The following TYW1 variants were observed in gnomAD, a reference collection of about 807,000 sequenced individuals.
TYW1 encodes S-adenosyl-L-methionine-dependent tRNA 4-demethylwyosine synthase TYW1.
In TYW1, 46 loss-of-function variants were observed where a neutral mutation model predicts 96.2. The ratio of observed to expected loss-of-function variants is 0.48; its 90% CI spans 0.38 to 0.61. The LOEUF is 0.61. Ranked by LOEUF, TYW1 falls within the 20% of genes least tolerant of loss-of-function variation. The probability of loss-of-function intolerance (pLI) is 0.00; values close to 1 mark genes in which losing one functional copy is unlikely to be tolerated. For missense variants in TYW1, 684 were observed against 909.6 expected, an observed-to-expected ratio of 0.75 and a Z score of 3.19; for synonymous variants, 274 against 323.0, an observed-to-expected ratio of 0.85 and a Z score of 1.63.
chr7:67,185,624 G>A (rs1445795749), intron 14 of TYW1, among the ~76,000 whole-genome samples: 2 of 152,076 alleles, frequency 1.3e-5, no homozygotes, highest in African/African-American at 4.8e-5. Context: ...TATTTGGGGA[G>A]AAATGTTGAG....
At chr7:67,200,436 T>C (rs1314562996) in intron 15 of TYW1, among the ~76,000 whole-genome samples, 34 of 152,108 alleles carry the variant, frequency 2.2e-4, no homozygotes, top group African/African-American at 5.1e-4. Flanking sequence ...TACATGGTGT[T>C]AGACGAGAGA....
At chr7:67,062,578 A>G (rs1801678119) in intron 9 of TYW1, among the ~76,000 whole-genome samples, 1 of 143,486 alleles carries the variant, frequency 7.0e-6, no homozygotes, top group Admixed American at 7.2e-5. Context: ...AAAAAAAAAA[A>G]AAAGAAAAGA....
chr7:66,999,424 G>A (rs896384404), intron 3 of TYW1, among the ~76,000 whole-genome samples: 3 of 151,942 alleles, frequency 2.0e-5, no homozygotes, highest in Admixed American at 6.6e-5. Flanking sequence ...GCACGATCTC[G>A]GCTCACTGCA....
intron 9 of TYW1, among the ~76,000 whole-genome samples, chr7:67,062,668 T>A (rs1214628153): frequency 6.6e-6 from 1 of 152,084 alleles, no homozygotes; most frequent in Non-Finnish European, 1.5e-5. Context: ...AAGGGAGTGC[T>A]GCAAACAATT....
chr7:67,040,403 T>C (rs1170315404), intron 7 of TYW1, among the ~76,000 whole-genome samples: 1 of 151,990 alleles, frequency 6.6e-6, no homozygotes, highest in Non-Finnish European at 1.5e-5. Flanking sequence ...ATTCCCCATA[T>C]TGATATACTG....
chr7:67,033,727 G>T (rs1488577333), intron 7 of TYW1, among the ~76,000 whole-genome samples: 1 of 147,466 alleles, frequency 6.8e-6, no homozygotes, highest in Non-Finnish European at 1.5e-5. Flanking sequence ...ACGGAGTCTC[G>T]CTCTGTTGCC....
At chr7:67,149,772 A>G (rs961725234) in intron 13 of TYW1, among the ~76,000 whole-genome samples, 3 of 82,882 alleles carry the variant, frequency 3.6e-5, no homozygotes, top group Non-Finnish European at 7.5e-5. Context: ...CTATCTATCT[A>G]TCTCTCTATG....
intron 7 of TYW1, among the ~76,000 whole-genome samples, chr7:67,033,230 C>T (rs1302697882): frequency 6.6e-6 from 1 of 152,102 alleles, no homozygotes; most frequent in African/African-American, 2.4e-5. Flanking sequence ...AGTCCCTCCT[C>T]TGTGCCCTGT....
rs57748332 is a variant in TYW1, at chr7:67,217,846, C to CTTT, written c.1978-20437_1978-20435dup. ...AGATAACTTTGGGTAGTGTTGATGT[C>CTTT]TTTTTTTTTTTTTTTTTTTTTTTTT... On this transcript the variant is annotated intron_variant, in intron 15 of 15. Coordinates refer to ENST00000359626, the MANE Select transcript of TYW1 (RefSeq NM_018264.4). Among the ~76,000 whole-genome samples the CTTT allele has an allele frequency of 1.4e-4, 10 of 69,258 alleles. 1 individual carries two copies. Among genetic ancestry groups the CTTT allele is most frequent in the Non-Finnish European group, 2.4e-4 (9 of 37,016 alleles). 45.4% of individuals were successfully genotyped at this position (69,258 alleles called of 152,430 possible). A position where few individuals can be genotyped will look rare whatever the true frequency, so the allele number is the denominator to read the frequency against.
intron 13 of TYW1, among the ~76,000 whole-genome samples, chr7:67,118,471 T>C: frequency 6.6e-6 from 1 of 152,198 alleles, no homozygotes. Flanking sequence ...GTTGTTATAC[T>C]GCATTTTAAA....
chr7:67,186,550 C>T (rs1800030670), intron 14 of TYW1, among the ~76,000 whole-genome samples: 1 of 151,952 alleles, frequency 6.6e-6, no homozygotes, highest in Admixed American at 6.5e-5. Flanking sequence ...TGCAGTGGTG[C>T]AATCATGGCT....
At chr7:67,035,867 C>T (rs1326988680) in intron 7 of TYW1, among the ~76,000 whole-genome samples, 21 of 151,392 alleles carry the variant, frequency 1.4e-4, no homozygotes, top group East Asian at 3.9e-4. Flanking sequence ...TTAGTAGAGA[C>T]GAGGTTTCAC....
chr7:67,004,060 AAAAAAC>A (rs149258030), intron 3 of TYW1, among the ~76,000 whole-genome samples: 2,657 of 150,772 alleles, frequency 0.018, 75 homozygotes, highest in African/African-American at 0.061. Context: ...AACAAAAAAC[AAAAAAC>A]AAAAAAAACA....
chr7:67,137,869 C>T (rs998238413), intron 13 of TYW1, among the ~76,000 whole-genome samples: 6 of 152,208 alleles, frequency 3.9e-5, no homozygotes, highest in Admixed American at 3.9e-4. Flanking sequence ...GGAGACATCA[C>T]AGCCACTGCC....
Position 67,083,523 on chromosome 7 carries a change from G to C in TYW1, c.1368G>C (p.Met456Ile), listed in dbSNP as rs573030738. The C allele has an allele frequency of 5.2e-5, 84 of 1,614,144 alleles. 1 individual carries two copies. In the South Asian group the frequency reaches 8.8e-4, roughly 17 times the overall value. Reference protein sequence around the residue: ...LKEAIENHQNMIKQFKGVPGV... With the variant: ...LKEAIENHQNIIKQFKGVPGV... ...AAGCCATTGAAAACCATCAGAACAT[G>C]ATTAAGCAGTTTAAAGGTATTTATC... The change falls in exon 11 of 16, where the codon ATG (methionine) becomes ATC (isoleucine). Residue 456 changes from methionine to isoleucine, a missense_variant. Physicochemically the swap from Met to Ile is conservative, Grantham distance 10. Transcript: ENST00000359626.
At chr7:67,145,099 G>T (rs1798566330) in intron 13 of TYW1, among the ~76,000 whole-genome samples, 2 of 146,826 alleles carry the variant, frequency 1.4e-5, no homozygotes, top group Admixed American at 1.4e-4. Flanking sequence ...ATATTTTACA[G>T]ACCAATACAA....
At chr7:67,085,686 AGGC>A (rs1716913886) in intron 11 of TYW1, among the ~76,000 whole-genome samples, 1 of 152,144 alleles carries the variant, frequency 6.6e-6, no homozygotes, top group African/African-American at 2.4e-5. Flanking sequence ...ATTATTCAGT[AGGC>A]TTAGCACGGT....
At chr7:67,038,030 G>A (rs966555813) in intron 7 of TYW1, among the ~76,000 whole-genome samples, 2 of 152,254 alleles carry the variant, frequency 1.3e-5, no homozygotes, top group Non-Finnish European at 2.9e-5. Context: ...GCCGAGCTTG[G>A]TGGCTCATGC....
chr7:67,178,259 G>T (rs896781225), intron 13 of TYW1, among the ~76,000 whole-genome samples: 1 of 152,166 alleles, frequency 6.6e-6, no homozygotes, highest in African/African-American at 2.4e-5. Context: ...CCAAAGTAGA[G>T]GGTTAAAATC....
Sources: gnomAD v4.1 joint callset for allele counts (sites outside exome capture counted in the v4.1 genomes callset) on GRCh38, gnomAD v4.1.1 for gene constraint, MANE v1.5 for transcripts, NCBI Gene and HGNC (gene_info 2026-07-23, HGNC 2026-07-21) for gene names.